YEATS2: variants seen among roughly 807,000 people sequenced by gnomAD.
YEATS2 encodes the protein YEATS domain containing 2, also known as YEATS domain-containing protein 2.
Under a neutral mutation model 163.2 loss-of-function variants are expected in YEATS2, and 77 were observed. The observed-to-expected ratio is 0.47, with a 90% CI of 0.39 to 0.57. YEATS2 has a LOEUF of 0.57. Among genes scored for constraint, YEATS2 ranks in the 20% least tolerant of loss-of-function variants. The pLI, the probability that YEATS2 is intolerant of heterozygous loss-of-function variation, is 0.00. For missense variants in YEATS2, 1,549 were observed against 1,729.8 expected, an observed-to-expected ratio of 0.90 and a Z score of 1.85; for synonymous variants, 631 against 645.1, an observed-to-expected ratio of 0.98 and a Z score of 0.33.
chr3:183,710,540 A>C (rs1333208296), intron 1 of YEATS2, among the ~76,000 whole-genome samples: 1 of 152,260 alleles, frequency 6.6e-6, no homozygotes, highest in African/African-American at 2.4e-5. Flanking sequence ...ACATGCAACA[A>C]GAAAAGCTTT....
chr3:183,706,570 A>T (rs1406372896), intron 1 of YEATS2, among the ~76,000 whole-genome samples: 1 of 152,208 alleles, frequency 6.6e-6, no homozygotes, highest in Non-Finnish European at 1.5e-5. Flanking sequence ...TTAGTGGAGC[A>T]CTGTGGGAGG....
chr3:183,703,887 G>A (rs1170151863), intron 1 of YEATS2, among the ~76,000 whole-genome samples: 1 of 152,168 alleles, frequency 6.6e-6, no homozygotes, highest in African/African-American at 2.4e-5. Flanking sequence ...GGGGCCAGGC[G>A]TAGTGGCTCA....
intron 6 of YEATS2, among the ~76,000 whole-genome samples, chr3:183,725,247 A>G (rs1716962541): frequency 6.6e-6 from 1 of 152,094 alleles, no homozygotes; most frequent in Admixed American, 6.6e-5. Context: ...AAGAGGCAGT[A>G]TAATAACCCC....
At chr3:183,756,445 G>A in intron 11 of YEATS2, 83 bp from the exon 12 acceptor site, 1 of 1,348,154 alleles carries the variant, frequency 7.4e-7, no homozygotes, top group Non-Finnish European at 9.9e-7. Flanking sequence ...TGGTGGCACT[G>A]ACCTTCTTCC....
In YEATS2 at chr3:183,758,905, A is replaced by G; in HGVS notation, c.1596A>G (p.Gln532=). ...TCTCCACGGCTTCTCAGGTCTCCCA[A>G]GGAACAGGTTCCCCTGTTCCTAAAA... ...NKISTASQVS[Q]GTGSPVPKIH... Residue 532 remains glutamine (Q), a synonymous_variant, in exon 13 of 31, where the codon CAA becomes CAG. Transcript: ENST00000305135. 1 of 1,597,914 alleles carries G rather than the reference A, an allele frequency of 6.3e-7. No individual in the cohort carries two copies. Among genetic ancestry groups the G allele is most frequent in the Non-Finnish European group, 8.5e-7 (1 of 1,175,122 alleles).
At chr3:183,769,928 G>A (rs1474903873) in intron 15 of YEATS2, among the ~76,000 whole-genome samples, 1 of 150,780 alleles carries the variant, frequency 6.6e-6, no homozygotes, top group Admixed American at 6.6e-5. Context: ...CTTGTGATCC[G>A]CCCGCCTCAG....
intron 15 of YEATS2, among the ~76,000 whole-genome samples, chr3:183,769,542 A>C (rs1722241517): frequency 6.6e-6 from 1 of 152,232 alleles, no homozygotes; most frequent in Non-Finnish European, 1.5e-5. Flanking sequence ...GAGGGGATTG[A>C]TGGTAAAACT....
rs370172191 is a variant in YEATS2, at chr3:183,737,569, T to C, written c.924+740T>C. Among the ~76,000 whole-genome samples, 20 of 152,364 alleles carry C rather than the reference T, an allele frequency of 1.3e-4. 1 individual carries two copies. Among genetic ancestry groups the C allele is most frequent in the Admixed American group, 5.2e-4 (8 of 15,306 alleles). ...CTTGGGGCTAAGTTACTGAAATCTT[T>C]TTTAAATCTGTTTACTTTTCTATAA... On this transcript the variant is annotated intron_variant, in intron 8 of 30. Transcript: ENST00000305135.
At position 183,790,909 on chromosome 3, in the gene YEATS2, C is replaced by T. The variant is rs1724563352; in HGVS notation, c.3026C>T (p.Thr1009Ile). Residue 1009 changes from threonine to isoleucine, a missense_variant, in exon 21 of 31, where the codon ACC becomes ATC. Physicochemically the swap from Thr to Ile is moderately conservative, Grantham distance 89. Coordinates refer to ENST00000305135, the MANE Select transcript of YEATS2 (RefSeq NM_018023.5). The part of the protein sequence containing the change: ...QATVGTCKAA[T>I]PTVVSATSLV... ...ACCGTGGGAACCTGCAAGGCTGCCACCCCCACCGTCGTCAGCGCCACGTCC... is the reference window on the plus strand; with the variant it reads ...ACCGTGGGAACCTGCAAGGCTGCCATCCCCACCGTCGTCAGCGCCACGTCC... 6.2e-7 allele frequency: 1 copy of T among 1,614,196 alleles called. No homozygotes were observed. The highest frequency in any genetic ancestry group is 8.5e-7 in the Non-Finnish European group (1 of 1,180,036).
chr3:183,761,268 G>C (rs1354281364), intron 13 of YEATS2, among the ~76,000 whole-genome samples: 1 of 152,004 alleles, frequency 6.6e-6, no homozygotes, highest in African/African-American at 2.4e-5. Flanking sequence ...TGTATATTTA[G>C]TAGAGACAGG....
chr3:183,751,149 A>G (rs1292937999), intron 9 of YEATS2, among the ~76,000 whole-genome samples: 1 of 152,184 alleles, frequency 6.6e-6, no homozygotes. Context: ...GTCCGATTGC[A>G]TTCTTTGGCA....
At chr3:183,725,991 G>GCTCT (rs1717053724) in intron 6 of YEATS2, among the ~76,000 whole-genome samples, 1 of 151,782 alleles carries the variant, frequency 6.6e-6, no homozygotes, top group African/African-American at 2.4e-5. Flanking sequence ...TGAGAATAAA[G>GCTCT]TAGATAAGTC....
chr3:183,807,323 A>G (rs947865930), intron 28 of YEATS2: 4 of 517,440 alleles, frequency 7.7e-6, no homozygotes, highest in Admixed American at 3.4e-5. Context: ...TGCTAATTAC[A>G]TGTGAAAACA....
At chr3:183,784,394 G>A (rs2108449943) in intron 19 of YEATS2, among the ~76,000 whole-genome samples, 1 of 152,222 alleles carries the variant, frequency 6.6e-6, no homozygotes, top group East Asian at 1.9e-4. Flanking sequence ...TCTTCTTTTG[G>A]AGAAATGTCT....
At chr3:183,741,158 C>T (rs1164406193) in intron 8 of YEATS2, among the ~76,000 whole-genome samples, 4 of 151,810 alleles carry the variant, frequency 2.6e-5, no homozygotes, top group African/African-American at 7.3e-5. Flanking sequence ...TGGCTGGTCT[C>T]AAACTCCTGA....
At chr3:183,781,229 A>T (rs1156572968) in intron 19 of YEATS2, among the ~76,000 whole-genome samples, 1 of 152,124 alleles carries the variant, frequency 6.6e-6, no homozygotes, top group Non-Finnish European at 1.5e-5. Context: ...TAGTGGTGTG[A>T]TTCAGTCTGA....
intron 9 of YEATS2, among the ~76,000 whole-genome samples, chr3:183,749,563 C>A (rs570899427): frequency 4.6e-5 from 7 of 152,122 alleles, no homozygotes; most frequent in Non-Finnish European, 7.3e-5. Flanking sequence ...TGCCTTATTT[C>A]GCTTTGCATA....
intron 8 of YEATS2, 103 bp from the exon 9 acceptor site, chr3:183,747,569 G>A: frequency 1.2e-6 from 1 of 837,822 alleles, no homozygotes; most frequent in Non-Finnish European, 1.9e-6. Context: ...TAGATCCTAT[G>A]GTATGAAGAC....
chr3:183,725,506 G>T (rs771325393), intron 6 of YEATS2, among the ~76,000 whole-genome samples: 3 of 152,234 alleles, frequency 2.0e-5, no homozygotes, highest in Non-Finnish European at 2.9e-5. Context: ...GGCTAGGGAG[G>T]CCTCACAATC....
Sources: gnomAD v4.1 joint callset for allele counts (sites outside exome capture counted in the v4.1 genomes callset) on GRCh38, gnomAD v4.1.1 for gene constraint, MANE v1.5 for transcripts, NCBI Gene and HGNC (gene_info 2026-07-23, HGNC 2026-07-21) for gene names.